Variants in FUZ observed in about 807,000 individuals in gnomAD.
The protein encoded by FUZ is fuzzy planar cell polarity protein, also known as protein fuzzy homolog.
FUZ carries 31 observed loss-of-function variants against 43.1 expected under a neutral mutation model. That is an observed-to-expected ratio of 0.72 (90% CI 0.54 to 0.97). The LOEUF (loss-of-function observed/expected upper bound fraction) is 0.97. Ranked by LOEUF, FUZ falls within the 50% of genes least tolerant of loss-of-function variation. The pLI, the probability that FUZ is intolerant of heterozygous loss-of-function variation, is 0.00. For synonymous variants in FUZ, 274 were observed against 250.0 expected, an observed-to-expected ratio of 1.10 and a Z score of -0.91; for missense variants, 539 against 543.8, an observed-to-expected ratio of 0.99 and a Z score of 0.09.
At chr19:49,810,887 C>T (rs1432995793) in intron 5 of FUZ, 4 of 298,136 alleles carry the variant, frequency 1.3e-5, no homozygotes, top group African/African-American at 2.3e-5. Context: ...CAGTGGCTCA[C>T]GCCTGTCATC....
rs1228349941 is a variant in FUZ, at chr19:49,808,628, G to A, written c.904C>T (p.Leu302Phe). 1.2e-5 allele frequency: 19 copies of A among 1,613,316 alleles called. No homozygotes were observed. The highest frequency in any genetic ancestry group is 1.6e-4 in the Middle Eastern group (1 of 6,084). The change falls in exon 9 of 11, where the codon CTC becomes TTC. Residue 302 changes from leucine (L) to phenylalanine (F), a missense_variant. By Grantham distance (22) the Leu-to-Phe change is conservative. Coordinates refer to ENST00000313777, the MANE Select transcript of FUZ (RefSeq NM_025129.5). ...AGGCAGCGCTTCAGTTCCAGGTGGA[G>A]GAGCAGCAGCCTGTGGGAAAGGGAA... ...LHTDILGLLL[L>F]HLELKRCLFT...
Position 49,809,362 on chromosome 19 carries a change from C to G in FUZ, c.690+16G>C. 2 of 1,544,948 alleles carry G rather than the reference C, an allele frequency of 1.3e-6. No homozygotes were observed. Among genetic ancestry groups the G allele is most frequent in the Non-Finnish European group, 1.7e-6 (2 of 1,146,756 alleles). On this transcript the variant is annotated intron_variant, in intron 6 of 10. Coordinates refer to ENST00000313777, the MANE Select transcript of FUZ (RefSeq NM_025129.5). The surrounding 1 kb of genome is among the most constrained non-coding windows in gnomAD (Gnocchi z 5.1). Reference sequence around the variant, plus strand: ...CCCAGGTCACATCCCTCCGTCGGTGCCCGCCACCCACTCACCGTGGGGCTC... The same window carrying G: ...CCCAGGTCACATCCCTCCGTCGGTGGCCGCCACCCACTCACCGTGGGGCTC...
Position 49,809,666 on chromosome 19 carries a change from C to A in FUZ, c.493-91G>T. 2 of 1,339,684 alleles carry A rather than the reference C, an allele frequency of 1.5e-6. No individual in the cohort carries two copies. The highest frequency in any genetic ancestry group is 2.5e-5 in the South Asian group (2 of 79,468). 83.0% of individuals were successfully genotyped at this position (1,339,684 alleles called of 1,614,324 possible). A position where few individuals can be genotyped will look rare whatever the true frequency, so the allele number is the denominator to read the frequency against. ...AGATGGGCAGGGAATGGGGAGAAAC[C>A]CACAGCCAGCCCCGAGCTCGCGCAG... On this transcript the variant is annotated intron_variant, in intron 5 of 10. Transcript: ENST00000313777. The surrounding 1 kb of genome is among the most constrained non-coding windows in gnomAD (Gnocchi z 5.1).
chr19:49,808,702 C>G lies in FUZ; in HGVS notation c.893+15G>C, dbSNP rs747193091. 1.3e-5 allele frequency: 20 copies of G among 1,598,206 alleles called. No homozygotes were observed. Among genetic ancestry groups the G allele is most frequent in the Admixed American group, 7.0e-5 (4 of 57,458 alleles). ...GGACATGACCCCCGACCCACTCCCT[C>G]CATCCGAGCCCTACCCGAGGATGTC... On this transcript the variant is annotated intron_variant, in intron 8 of 10. Transcript: ENST00000313777.
intron 3 of FUZ, 62 bp from the exon 4 acceptor site, chr19:49,811,761 G>T: frequency 7.4e-7 from 1 of 1,354,670 alleles, no homozygotes; most frequent in Non-Finnish European, 1.1e-6. Flanking sequence ...TGGGTCTGAA[G>T]GAAGAGGGGG....
intron 4 of FUZ, 57 bp from the exon 5 acceptor site, chr19:49,811,524 CAAG>C: frequency 6.3e-7 from 1 of 1,586,294 alleles, no homozygotes; most frequent in Non-Finnish European, 8.7e-7. Flanking sequence ...GTCAGACAAC[CAAG>C]AACCTGTGGG....
At chr19:49,807,495 C>T in intron 10 of FUZ, 121 bp from the exon 11 acceptor site, 4 of 1,033,578 alleles carry the variant, frequency 3.9e-6, no homozygotes, top group Non-Finnish European at 4.4e-6. Context: ...TTGGGAGCCT[C>T]CTGCCAGGGG....
chr19:49,807,355 C>G lies in FUZ; in HGVS notation c.1053G>C (p.Lys351Asn), dbSNP rs754883228. ...GGGCCTGGTAGACCTCATCTTCTGT[C>G]TTCTCTGGTGGCCCTGGCTCTGGAG... ...HFPPEPGPPE[K>N]TEDEVYQAQL... Residue 351 changes from lysine to asparagine, a missense_variant, in exon 11 of 11, where the codon AAG (lysine) becomes AAC (asparagine). Physicochemically the swap from Lys to Asn is moderately conservative, Grantham distance 94. Coordinates refer to ENST00000313777, the MANE Select transcript of FUZ (RefSeq NM_025129.5). 5.0e-6 allele frequency: 8 copies of G among 1,613,144 alleles called. No homozygotes were observed. The highest frequency in any genetic ancestry group is 5.9e-6 in the Non-Finnish European group (7 of 1,179,824).
intron 8 of FUZ, 39 bp downstream of exon 8, chr19:49,808,678 G>A: frequency 6.2e-7 from 1 of 1,607,984 alleles, no homozygotes; most frequent in East Asian, 2.2e-5. Context: ...TGGGGAAGAG[G>A]ACATGACCCC....
In FUZ at chr19:49,808,835, G is replaced by C. The variant is rs1360100793; in HGVS notation, c.787-12C>G. ...CAGCGCTCCAGAAGCTGCAGGGGGCGTGGTCATTGTGAGGTCGTCATGGGA... is the reference window on the plus strand; with the variant it reads ...CAGCGCTCCAGAAGCTGCAGGGGGCCTGGTCATTGTGAGGTCGTCATGGGA... On this transcript the variant is annotated splice_polypyrimidine_tract_variant and intron_variant, in intron 7 of 10. Coordinates refer to ENST00000313777, the MANE Select transcript of FUZ (RefSeq NM_025129.5). 9 of 1,541,612 alleles carry C rather than the reference G, an allele frequency of 5.8e-6. No individual in the cohort carries two copies. The highest frequency in any genetic ancestry group is 7.9e-6 in the Non-Finnish European group (9 of 1,145,398).
chr19:49,807,029 A>G lies in FUZ; in HGVS notation c.*122T>C. 1 of 525,008 alleles carries G rather than the reference A, an allele frequency of 1.9e-6. No homozygotes were observed. The highest frequency in any genetic ancestry group is 2.7e-6 in the Non-Finnish European group (1 of 374,696). The allele number at this position is 525,008 out of a possible 1,614,324, so 32.5% of individuals were successfully genotyped here. A position where few individuals can be genotyped will look rare whatever the true frequency, so the allele number is the denominator to read the frequency against. Reference sequence around the variant, plus strand: ...GGAAGTGGATGTCTCCTCCCCTCCCACCCCACCCTGTTGTAGCCCCTCCTA... The same window carrying G: ...GGAAGTGGATGTCTCCTCCCCTCCCGCCCCACCCTGTTGTAGCCCCTCCTA... On this transcript the variant is annotated 3_prime_UTR_variant, in exon 11 of 11. Transcript: ENST00000313777.
chr19:49,812,661 C>T lies in FUZ; in HGVS notation c.187G>A (p.Ala63Thr), dbSNP rs746594564. 5.0e-6 allele frequency: 8 copies of T among 1,614,156 alleles called. No individual in the cohort carries two copies. The highest frequency in any genetic ancestry group is 5.9e-6 in the Non-Finnish European group (7 of 1,180,030). ...ACCACAGTCGTGTTCTCGGTCCTCG[C>T]AGAGCTCAGCTGCACCTCCAGATTC... Reference protein sequence around the residue: ...GQNLEVQLSSARTENTTVVWK... With the variant: ...GQNLEVQLSSTRTENTTVVWK... The change falls in exon 2 of 11, where the codon GCG becomes ACG. Residue 63 changes from alanine (A) to threonine (T), a missense_variant. Ala to Thr is a moderately conservative substitution (Grantham distance 58). Coordinates refer to ENST00000313777, the MANE Select transcript of FUZ (RefSeq NM_025129.5).
rs374675501 is a variant in FUZ at position 49,812,745 on chromosome 19, G to C, written c.112-9C>G. On this transcript the variant is annotated splice_polypyrimidine_tract_variant and intron_variant, in intron 1 of 10. Coordinates refer to ENST00000313777, the MANE Select transcript of FUZ (RefSeq NM_025129.5). The stretch of plus-strand genomic sequence containing the variant: ...ATGACAGAGAACGGGAGCTAAGGAG[G>C]GGTTAGGGACATCAGACAAGAGCAC... 48 of 1,613,440 alleles carry C rather than the reference G, an allele frequency of 3.0e-5. 4 individuals carry two copies. Among genetic ancestry groups the C allele is most frequent in the Admixed American group, 2.8e-4 (17 of 60,020 alleles).
chr19:49,808,525 C>T (rs1379324020), intron 9 of FUZ, 37 bp from the exon 10 acceptor site: 3 of 1,597,944 alleles, frequency 1.9e-6, no homozygotes, highest in Non-Finnish European at 2.6e-6. Flanking sequence ...AGAGCGCCTC[C>T]CCGGCCCACG....
intron 5 of FUZ, among the ~76,000 whole-genome samples, chr19:49,810,538 G>A (rs972990445): frequency 6.6e-6 from 1 of 151,872 alleles, no homozygotes; most frequent in African/African-American, 2.4e-5. Flanking sequence ...GCTGGGCCAG[G>A]CGTGGTGACC....
At chr19:49,808,961 A>G in intron 7 of FUZ, 138 bp from the exon 8 acceptor site, 1 of 873,814 alleles carries the variant, frequency 1.1e-6, no homozygotes, top group South Asian at 1.4e-5. Flanking sequence ...GGAGGGCAGA[A>G]GGGACTGGGG....
upstream of FUZ, chr19:49,813,341 G>C: frequency 1.6e-6 from 1 of 617,420 alleles, no homozygotes; most frequent in South Asian, 1.7e-5. Flanking sequence ...CGGAAGTCAC[G>C]GTACCCCTAA....
In FUZ at chr19:49,809,437, A is replaced by AC. The variant is rs1568602961; in HGVS notation, c.630dup (p.Ser211ValfsTer109). Reference sequence around the variant, plus strand: ...TCGCGAGCGGTCTGCGGCGGCAGGGACCCCACCAGCCAGGGGAGCAGCACG... The same window carrying AC: ...TCGCGAGCGGTCTGCGGCGGCAGGGACCCCCACCAGCCAGGGGAGCAGCACG... On this transcript the variant is annotated frameshift_variant, in exon 6 of 11. Coordinates refer to ENST00000313777, the MANE Select transcript of FUZ (RefSeq NM_025129.5). LOFTEE classifies it high-confidence loss of function. This position sits in a 1 kb window ranked among gnomAD's most constrained non-coding sequence, Gnocchi z 5.1. The AC allele has an allele frequency of 6.5e-7, 1 of 1,545,962 alleles. No homozygotes were observed. Among genetic ancestry groups the AC allele is most frequent in the Non-Finnish European group, 8.7e-7 (1 of 1,148,826 alleles).
chr19:49,813,155 T>C lies in FUZ; in HGVS notation c.-49A>G, dbSNP rs776119260. ...CACGTGGGGACTGTCAGTGCGGGTC[T>C]TGGAGCATGGCGGTAATCAGAGTAA... On this transcript the variant is annotated 5_prime_UTR_variant, in exon 1 of 11. Transcript: ENST00000313777. 5 of 1,465,728 alleles carry C rather than the reference T, an allele frequency of 3.4e-6. No homozygotes were observed. The South Asian group carries it at 6.1e-5, about 18-fold the overall frequency. 90.8% of individuals were successfully genotyped at this position (1,465,728 alleles called of 1,614,324 possible).
Sources: allele counts gnomAD v4.1 joint callset (sites outside exome capture counted in the v4.1 genomes callset), GRCh38; gene constraint gnomAD v4.1.1; non-coding constraint Gnocchi (gnomAD v3.1); transcripts MANE v1.5; gene names NCBI Gene and HGNC (gene_info 2026-07-23, HGNC 2026-07-21).